Variants in DOCK10 observed in about 807,000 individuals in gnomAD.
DOCK10 encodes dedicator of cytokinesis protein 10.
DOCK10 carries 145 observed loss-of-function variants against 280.1 expected under a neutral mutation model. The observed-to-expected ratio is 0.52, with a 90% CI of 0.45 to 0.59. DOCK10 has a LOEUF of 0.59. DOCK10 is among the 20% of genes least tolerant of loss of function. The pLI is 0.00. For missense variants in DOCK10, 2,368 were observed against 2,651.7 expected, an observed-to-expected ratio of 0.89 and a Z score of 2.35; for synonymous variants, 915 against 942.2, an observed-to-expected ratio of 0.97 and a Z score of 0.53.
At chr2:225,025,384 A>C (rs1285990145) in intron 1 of DOCK10, among the ~76,000 whole-genome samples, 2 of 152,232 alleles carry the variant, frequency 1.3e-5, no homozygotes, top group Non-Finnish European at 2.9e-5. Context: ...GCAATGGGAC[A>C]TTTTAATATG....
intron 1 of DOCK10, among the ~76,000 whole-genome samples, chr2:224,931,874 C>G (rs1437490571): frequency 6.6e-6 from 1 of 152,158 alleles, no homozygotes; most frequent in Non-Finnish European, 1.5e-5. Flanking sequence ...TCCTAAAATA[C>G]CTGATATCTC....
At chr2:224,903,003 C>G in intron 3 of DOCK10, among the ~76,000 whole-genome samples, 1 of 152,028 alleles carries the variant, frequency 6.6e-6, no homozygotes, top group East Asian at 1.9e-4. Context: ...GAGGCTGAGG[C>G]GGGAGAACGG....
At chr2:224,897,737 A>G (rs72972669) in intron 3 of DOCK10, among the ~76,000 whole-genome samples, 40 of 152,250 alleles carry the variant, frequency 2.6e-4, no homozygotes, top group African/African-American at 9.2e-4. Flanking sequence ...ATAACTGATA[A>G]GCAAAAATGA....
intron 1 of DOCK10, among the ~76,000 whole-genome samples, chr2:225,031,428 G>C (rs919497859): frequency 2.6e-5 from 4 of 152,216 alleles, no homozygotes; most frequent in African/African-American, 9.6e-5. Context: ...CTTGGTATCA[G>C]TTGCTAGGAG....
At chr2:224,995,973 T>C (rs538351462) in intron 1 of DOCK10, among the ~76,000 whole-genome samples, 57 of 152,350 alleles carry the variant, frequency 3.7e-4, no homozygotes, top group African/African-American at 1.3e-3. Context: ...AGTTACATGA[T>C]AGATGTTATT....
At chr2:224,914,361 C>G (rs1484876507) in intron 3 of DOCK10, among the ~76,000 whole-genome samples, 2 of 152,022 alleles carry the variant, frequency 1.3e-5, no homozygotes, top group African/African-American at 2.4e-5. Flanking sequence ...AAACAAGAGC[C>G]AAATTTCACT....
At chr2:224,797,800 C>G in intron 42 of DOCK10, 32 bp downstream of exon 42, 2 of 1,606,186 alleles carry the variant, frequency 1.2e-6, no homozygotes, top group Non-Finnish European at 1.7e-6. Context: ...TGTCATCCTA[C>G]CTAAACTTCA....
intron 3 of DOCK10, among the ~76,000 whole-genome samples, chr2:224,914,359 G>A (rs1259000701): frequency 6.6e-6 from 1 of 152,096 alleles, no homozygotes; most frequent in Non-Finnish European, 1.5e-5. Context: ...GAAAACAAGA[G>A]CCAAATTTCA....
chr2:225,017,988 C>T (rs748072654), intron 1 of DOCK10, among the ~76,000 whole-genome samples: 1 of 152,166 alleles, frequency 6.6e-6, no homozygotes, highest in Non-Finnish European at 1.5e-5. Flanking sequence ...AAATCAGTAA[C>T]TCTCCTGGAA....
intron 1 of DOCK10, chr2:224,946,864 TTTC>T: frequency 6.5e-7 from 1 of 1,542,496 alleles, no homozygotes; most frequent in East Asian, 2.5e-5. Context: ...AATCTGTGGA[TTTC>T]TTCTTGGTTT....
intron 2 of DOCK10, among the ~76,000 whole-genome samples, chr2:224,928,680 T>C (rs1434777947): frequency 6.6e-6 from 1 of 152,232 alleles, no homozygotes; most frequent in Non-Finnish European, 1.5e-5. Flanking sequence ...AAATTAAAAT[T>C]TAGCCATTTG....
chr2:224,838,917 A>C (rs1695762841), intron 24 of DOCK10, among the ~76,000 whole-genome samples: 1 of 152,214 alleles, frequency 6.6e-6, no homozygotes, highest in Non-Finnish European at 1.5e-5. Context: ...CTTAAAAAAA[A>C]GGTTCTTGTG....
intron 3 of DOCK10, 69 bp from the exon 4 acceptor site, chr2:224,896,446 T>C: frequency 1.0e-6 from 1 of 994,136 alleles, no homozygotes; most frequent in South Asian, 1.6e-5. Context: ...CGGTGGCGCT[T>C]GCCTGTAATC....
chr2:225,018,815 A>G (rs187366288), intron 1 of DOCK10, among the ~76,000 whole-genome samples: 56 of 148,054 alleles, frequency 3.8e-4, no homozygotes, highest in Admixed American at 3.5e-3. Flanking sequence ...ACAGATATAT[A>G]TGCATATATG....
chr2:224,901,168 C>A (rs1228034568), intron 3 of DOCK10, among the ~76,000 whole-genome samples: 2 of 152,306 alleles, frequency 1.3e-5, no homozygotes, highest in Admixed American at 6.5e-5. Flanking sequence ...CTAAGGAGAT[C>A]ATTAAAAACT....
intron 1 of DOCK10, among the ~76,000 whole-genome samples, chr2:224,941,350 A>AACAGAG (rs1703058268): frequency 6.6e-6 from 1 of 151,584 alleles, no homozygotes; most frequent in African/African-American, 2.4e-5. Flanking sequence ...TAGCCTTGCA[A>AACAGAG]AACAGAGAAC....
chr2:224,903,022 C>T (rs1205125462), intron 3 of DOCK10, among the ~76,000 whole-genome samples: 2 of 152,116 alleles, frequency 1.3e-5, no homozygotes, highest in Non-Finnish European at 2.9e-5. Flanking sequence ...GGCGTGAACC[C>T]GGGAGGCGGA....
At chr2:224,922,260 T>C (rs1358545655) in intron 2 of DOCK10, among the ~76,000 whole-genome samples, 1 of 152,172 alleles carries the variant, frequency 6.6e-6, no homozygotes, top group Admixed American at 6.5e-5. Context: ...AAGAAAACTG[T>C]AAACAATCAT....
At chr2:224,891,103 G>A (rs904255884) in intron 4 of DOCK10, among the ~76,000 whole-genome samples, 1 of 149,184 alleles carries the variant, frequency 6.7e-6, no homozygotes, top group Admixed American at 6.7e-5. Flanking sequence ...GGATGGATGG[G>A]TGGATGGATG....
Sources: gnomAD v4.1 joint callset for allele counts (sites outside exome capture counted in the v4.1 genomes callset) on GRCh38, gnomAD v4.1.1 for gene constraint, MANE v1.5 for transcripts, NCBI Gene and HGNC (gene_info 2026-07-23, HGNC 2026-07-21) for gene names.